Variants in TRIP10 observed in about 807,000 individuals in gnomAD.
TRIP10 encodes thyroid hormone receptor interactor 10.
A neutral mutation model predicts 80.9 loss-of-function variants in TRIP10; 54 were observed. The ratio of observed to expected loss-of-function variants is 0.67; its 90% CI spans 0.54 to 0.84. The LOEUF is 0.84. TRIP10 is among the 40% of genes least tolerant of loss of function. The probability of loss-of-function intolerance (pLI) is 0.00; values close to 1 mark genes in which losing one functional copy is unlikely to be tolerated. For missense variants in TRIP10, 773 were observed against 815.3 expected, an observed-to-expected ratio of 0.95 and a Z score of 0.63; for synonymous variants, 321 against 307.2, an observed-to-expected ratio of 1.04 and a Z score of -0.47.
Position 6,739,694 on chromosome 19 carries a change from AGG to A in TRIP10, c.-66_-65del. 1 of 988,490 alleles carries A rather than the reference AGG, an allele frequency of 1.0e-6. No homozygotes were observed. The highest frequency in any genetic ancestry group is 1.2e-6 in the Non-Finnish European group (1 of 847,922). The allele number at this position is 988,490 out of a possible 1,614,324, so 61.2% of individuals were successfully genotyped here. A position where few individuals can be genotyped will look rare whatever the true frequency, so the allele number is the denominator to read the frequency against. On this transcript the variant is annotated 5_prime_UTR_variant, in exon 1 of 15. Coordinates refer to ENST00000313244, the MANE Select transcript of TRIP10 (RefSeq NM_001288962.2). ...CGCCCTCGGCTGAGTCTCCCCGGGG[AGG>A]GCGGCGGGCGGCGGGCGGCGGGGAC...
intron 1 of TRIP10, 27 bp from the exon 2 acceptor site, chr19:6,740,983 C>A: frequency 6.2e-7 from 1 of 1,601,500 alleles, no homozygotes; most frequent in South Asian, 1.1e-5. Context: ...CCCCTCTCCC[C>A]TCCTCCCCCA....
chr19:6,746,521 G>A lies in TRIP10; in HGVS notation c.1222G>A (p.Glu408Lys). 6.2e-7 allele frequency: 1 copy of A among 1,614,212 alleles called. No individual in the cohort carries two copies. Among genetic ancestry groups the A allele is most frequent in the Non-Finnish European group, 8.5e-7 (1 of 1,180,040 alleles). Residue 408 changes from glutamate (E) to lysine (K), a missense_variant, in exon 11 of 15, where the codon GAA becomes AAA. Physicochemically the swap from Glu to Lys is moderately conservative, Grantham distance 56 (BLOSUM62 1). Coordinates refer to ENST00000313244, the MANE Select transcript of TRIP10 (RefSeq NM_001288962.2). This position sits in a 1 kb window ranked among gnomAD's most constrained non-coding sequence, Gnocchi z 6.2. ...QQRKRLQQQL[E>K]ERSRELQKEV... is the part of the protein sequence containing the mutation. ...GCGAAAACGGCTTCAACAGCAGTTG[G>A]AAGAACGCAGTCGTGAACTTCAGAA...
At chr19:6,747,002 C>T (rs1052559808) in intron 11 of TRIP10, among the ~76,000 whole-genome samples, 10 of 152,144 alleles carry the variant, frequency 6.6e-5, no homozygotes, top group East Asian at 3.8e-4. Flanking sequence ...AAGGCCCCGA[C>T]GGTTTTACAG....
Position 6,749,986 on chromosome 19 carries a change from G to T in TRIP10, c.1315G>T (p.Asp439Tyr), listed in dbSNP as rs770804549. The change falls in exon 12 of 15, where the codon GAC becomes TAC. Residue 439 changes from aspartate (D) to tyrosine (Y), a missense_variant. Coordinates refer to ENST00000313244, the MANE Select transcript of TRIP10 (RefSeq NM_001288962.2). ...CTATGAGAAGACACCTCAGATGGGG[G>T]ACCCCGCCAGCTTGGAGCCCCAGAT... ...DVYEKTPQMG[D>Y]PASLEPQIAE... 1.2e-6 allele frequency: 2 copies of T among 1,614,144 alleles called. No homozygotes were observed. The highest frequency in any genetic ancestry group is 2.2e-5 in the South Asian group (2 of 91,078).
rs756302949 is a variant in TRIP10, at chr19:6,751,094, G to C, written c.1689G>C (p.Glu563Asp). The C allele has an allele frequency of 1.2e-6, 2 of 1,605,804 alleles. No individual in the cohort carries two copies. Among genetic ancestry groups the C allele is most frequent in the African/African-American group, 2.7e-5 (2 of 74,628 alleles). ...GCGAGGGCACTATCTCTATGGCCGA[G>C]GGTGAAGACCTCAGTCTTATGGAAG... ...GSSEGTISMA[E>D]GEDLSLMEED... Residue 563 changes from glutamate (E) to aspartate (D), a missense_variant, in exon 15 of 15, where the codon GAG becomes GAC. Physicochemically the swap from Glu to Asp is conservative, Grantham distance 45. Coordinates refer to ENST00000313244, the MANE Select transcript of TRIP10 (RefSeq NM_001288962.2).
At chr19:6,748,395 C>T (rs968871095) in intron 11 of TRIP10, 2 of 152,126 alleles carry the variant, frequency 1.3e-5, no homozygotes, top group Non-Finnish European at 2.9e-5. Context: ...TCTAGAGTCA[C>T]GACAAACTGG....
intron 1 of TRIP10, 71 bp from the exon 2 acceptor site, chr19:6,740,939 G>C (rs1968898183): frequency 3.6e-6 from 5 of 1,389,622 alleles, no homozygotes; most frequent in Non-Finnish European, 5.0e-6. Flanking sequence ...GAGTCTGGTC[G>C]GCGGGCTGTG....
At position 6,746,326 on chromosome 19, in the gene TRIP10, T is replaced by C; in HGVS notation, c.1153-126T>C. On this transcript the variant is annotated intron_variant, in intron 10 of 14. Transcript: ENST00000313244. The surrounding 1 kb of genome is among the most constrained non-coding windows in gnomAD (Gnocchi z 6.2). ...CTGGTTGCCCAACCCAGACCTGCTT[T>C]GCTCTGTGCATGGCTTCGCTGTCAA... is the stretch of plus-strand genomic sequence containing the variant. 1 of 1,520,844 alleles carries C rather than the reference T, an allele frequency of 6.6e-7. No individual in the cohort carries two copies. The allele number at this position is 1,520,844 out of a possible 1,614,324, so 94.2% of individuals were successfully genotyped here. A position where few individuals can be genotyped will look rare whatever the true frequency, so the allele number is the denominator to read the frequency against.
chr19:6,749,707 C>T (rs540851339), intron 11 of TRIP10, among the ~76,000 whole-genome samples: 8 of 151,948 alleles, frequency 5.3e-5, no homozygotes, highest in Non-Finnish European at 7.4e-5. Context: ...AAAAATCAGG[C>T]GAGTGTGGTG....
rs1354533885 is a variant in TRIP10 at position 6,745,834 on chromosome 19, G to A, written c.985-195G>A. On this transcript the variant is annotated intron_variant, in intron 9 of 14. Coordinates refer to ENST00000313244, the MANE Select transcript of TRIP10 (RefSeq NM_001288962.2). This position sits in a 1 kb window ranked among gnomAD's most constrained non-coding sequence, Gnocchi z 7.2. ...TGTCGCTCCTGCATGCGTTTTCTCT[G>A]TGTGGTTGTGCATCTTGAGTTGTGG... 6 of 985,204 alleles carry A rather than the reference G, an allele frequency of 6.1e-6. No individual in the cohort carries two copies. The African/African-American group carries it at 8.7e-5, about 14-fold the overall frequency. 61.0% of individuals were successfully genotyped at this position (985,204 alleles called of 1,614,324 possible).
At position 6,746,691 on chromosome 19, in the gene TRIP10, C is replaced by T. The variant is rs973368341; in HGVS notation, c.1262+130C>T. The T allele has an allele frequency of 3.1e-5, 17 of 555,480 alleles. No individual in the cohort carries two copies. Among genetic ancestry groups the T allele is most frequent in the Admixed American group, 8.6e-5 (2 of 23,372 alleles). The allele number at this position is 555,480 out of a possible 1,614,324, so 34.4% of individuals were successfully genotyped here. On this transcript the variant is annotated intron_variant, in intron 11 of 14. Transcript: ENST00000313244. The surrounding 1 kb of genome is among the most constrained non-coding windows in gnomAD (Gnocchi z 6.2). ...ATTTTGTGACAGGGTCTTAGTCTGT[C>T]GTCCAGGCTGGAGTGCAGTGCTGTG...
intron 3 of TRIP10, 27 bp from the exon 4 acceptor site, chr19:6,742,940 T>C (rs754612414): frequency 6.2e-7 from 1 of 1,611,954 alleles, no homozygotes; most frequent in Non-Finnish European, 8.5e-7. Context: ...CCTGACTCCC[T>C]GTTCCCCGAT....
chr19:6,743,390 C>T, intron 5 of TRIP10, 104 bp from the exon 6 acceptor site: 1 of 1,514,602 alleles, frequency 6.6e-7, no homozygotes, highest in Non-Finnish European at 9.1e-7. Context: ...CTCCCTTGAC[C>T]CCTACTTACT....
chr19:6,747,922 ACGTAGTAAAACCCCAT>A (rs1969185488), intron 11 of TRIP10, among the ~76,000 whole-genome samples: 1 of 152,088 alleles, frequency 6.6e-6, no homozygotes, highest in African/African-American at 2.4e-5. Context: ...AGCCTGGGCA[ACGTAGTAAAACCCCAT>A]CTCTTAGAAG....
intron 1 of TRIP10, 168 bp from the exon 2 acceptor site, chr19:6,740,842 G>A: frequency 3.3e-6 from 2 of 597,948 alleles, no homozygotes. Flanking sequence ...GGGGGTTCCC[G>A]CCAGTTTCCT....
At chr19:6,740,810 C>A in intron 1 of TRIP10, 200 bp from the exon 2 acceptor site, 3 of 574,106 alleles carry the variant, frequency 5.2e-6, no homozygotes, top group Non-Finnish European at 9.3e-6. Context: ...GCGCTGTTCT[C>A]CGGCCCTTCC....
chr19:6,739,986 C>G (rs1236752441), intron 1 of TRIP10, among the ~76,000 whole-genome samples: 2 of 152,152 alleles, frequency 1.3e-5, no homozygotes, highest in Non-Finnish European at 2.9e-5. Context: ...TTTGCCGGAC[C>G]GGAGTGGGGA....
chr19:6,747,338 G>GA (rs1295818966), intron 11 of TRIP10, among the ~76,000 whole-genome samples: 1 of 151,958 alleles, frequency 6.6e-6, no homozygotes, highest in Non-Finnish European at 1.5e-5. Flanking sequence ...AAGAAAAAAA[G>GA]AAACAGTTAC....
chr19:6,750,126 T>C, intron 12 of TRIP10, 60 bp downstream of exon 12: 3 of 185,010 alleles, frequency 1.6e-5, no homozygotes, highest in Non-Finnish European at 2.6e-5. Context: ...CACTGCTGGG[T>C]GGGGTGGGGG....
Sources: gnomAD v4.1 joint callset for allele counts (sites outside exome capture counted in the v4.1 genomes callset) on GRCh38, gnomAD v4.1.1 for gene constraint, Gnocchi (gnomAD v3.1) non-coding constraint, MANE v1.5 for transcripts, NCBI Gene and HGNC (gene_info 2026-07-23, HGNC 2026-07-21) for gene names.